WDR45B: variants seen among roughly 807,000 people sequenced by gnomAD.
WDR45B encodes the protein WD repeat domain 45B, also known as WD repeat domain phosphoinositide-interacting protein 3.
WDR45B carries 20 observed loss-of-function variants against 44.6 expected under a neutral mutation model. The observed-to-expected ratio is 0.45, with a 90% CI of 0.32 to 0.65. WDR45B has a LOEUF of 0.65. WDR45B is among the 30% of genes least tolerant of loss of function. WDR45B has a pLI of 0.05. For missense variants in WDR45B, 323 were observed against 430.2 expected, an observed-to-expected ratio of 0.75 and a Z score of 2.20; for synonymous variants, 169 against 164.9, an observed-to-expected ratio of 1.02 and a Z score of -0.19.
At chr17:82,635,270 A>G (rs1225866857) in intron 2 of WDR45B, among the ~76,000 whole-genome samples, 2 of 151,856 alleles carry the variant, frequency 1.3e-5, no homozygotes, top group Non-Finnish European at 2.9e-5. Context: ...AGTTTTAGAA[A>G]CACATCTGAG....
At chr17:82,646,547 GTACAAAAATAAA>G (rs2045981002) in intron 1 of WDR45B, among the ~76,000 whole-genome samples, 1 of 133,704 alleles carries the variant, frequency 7.5e-6, no homozygotes, top group Admixed American at 7.5e-5. Flanking sequence ...ACAAAAATAA[GTACAAAAATAAA>G]GTACAGAAGT....
At chr17:82,627,377 GTT>G in intron 3 of WDR45B, 86 bp from the exon 4 acceptor site, 1 of 1,158,384 alleles carries the variant, frequency 8.6e-7, no homozygotes, top group Admixed American at 1.7e-5. Context: ...CGCCTAAGGT[GTT>G]TTCTCTTCCC....
At chr17:82,643,047 C>T (rs767347898) in intron 2 of WDR45B, among the ~76,000 whole-genome samples, 43 of 152,204 alleles carry the variant, frequency 2.8e-4, no homozygotes, top group Admixed American at 7.2e-4. Context: ...ACCTAATGTG[C>T]GCGCAGGCAT....
chr17:82,644,722 T>C (rs1012020004), intron 1 of WDR45B: 3 of 153,044 alleles, frequency 2.0e-5, no homozygotes, highest in Non-Finnish European at 4.4e-5. Context: ...TTAAATGCCA[T>C]GTCCAACTGT....
intron 2 of WDR45B, among the ~76,000 whole-genome samples, chr17:82,631,277 ATTT>A (rs386386786): frequency 1.1e-3 from 95 of 86,838 alleles, no homozygotes; most frequent in African/African-American, 4.0e-3. Context: ...TACAGGACTC[ATTT>A]TTTTTTTTTT....
At chr17:82,631,340 G>C (rs1380499495) in intron 2 of WDR45B, among the ~76,000 whole-genome samples, 3 of 136,814 alleles carry the variant, frequency 2.2e-5, no homozygotes, top group African/African-American at 8.5e-5. Context: ...CTAGAGTGCA[G>C]TCGCGCGATC....
intron 3 of WDR45B, among the ~76,000 whole-genome samples, chr17:82,630,122 C>G (rs1487495404): frequency 6.6e-6 from 1 of 152,126 alleles, no homozygotes; most frequent in Non-Finnish European, 1.5e-5. Context: ...CTTTTCCTGC[C>G]TCTCCCCATA....
At chr17:82,640,336 T>C (rs2045897412) in intron 2 of WDR45B, among the ~76,000 whole-genome samples, 1 of 150,992 alleles carries the variant, frequency 6.6e-6, no homozygotes. Flanking sequence ...GGTGCTGCTC[T>C]TCACTGGGAT....
intron 9 of WDR45B, 73 bp downstream of exon 9, chr17:82,616,451 T>C: frequency 6.2e-7 from 1 of 1,609,962 alleles, no homozygotes; most frequent in Admixed American, 1.7e-5. Flanking sequence ...CCATGGGAAG[T>C]TAGGTCTGAC....
chr17:82,640,913 C>A (rs991644606), intron 2 of WDR45B, among the ~76,000 whole-genome samples: 3 of 151,632 alleles, frequency 2.0e-5, no homozygotes, highest in African/African-American at 7.3e-5. Context: ...ATGAGCTAAA[C>A]CATGACAATG....
At chr17:82,627,419 TCAGA>T in intron 3 of WDR45B, 128 bp from the exon 4 acceptor site, 1 of 786,820 alleles carries the variant, frequency 1.3e-6, no homozygotes, top group Non-Finnish European at 2.2e-6. Context: ...CCCTCAGGCC[TCAGA>T]CACACACCCG....
chr17:82,624,382 C>T (rs2045663371), intron 5 of WDR45B, among the ~76,000 whole-genome samples: 1 of 152,178 alleles, frequency 6.6e-6, no homozygotes, highest in Admixed American at 6.5e-5. Context: ...CTGCCTCAGC[C>T]TCCCAAGTAG....
intron 5 of WDR45B, among the ~76,000 whole-genome samples, chr17:82,622,355 C>G (rs8082615): frequency 0.29 from 44,025 of 152,080 alleles, 7,259 homozygotes; most frequent in African/African-American, 0.45. Context: ...CACAGCTAAC[C>G]TCTCAGAAAG....
At chr17:82,618,086 C>A (rs989893113) in intron 7 of WDR45B, among the ~76,000 whole-genome samples, 1 of 152,224 alleles carries the variant, frequency 6.6e-6, no homozygotes, top group African/African-American at 2.4e-5. Flanking sequence ...CACGCCACCA[C>A]GCCCAGCTAA....
Position 82,617,374 on chromosome 17 carries a change from G to A in WDR45B, c.728C>T (p.Ser243Phe), listed in dbSNP as rs2045551307. ...GTGGTCGCTGGATACGCAGATGAGG[G>A]ACGCATCCTGATTGAAGTTGATGCT... ...IYCINFNQDA[S>F]LICVSSDHGT... Residue 243 changes from serine (S) to phenylalanine (F), a missense_variant, in exon 8 of 10, where the codon TCC (serine) becomes TTC (phenylalanine). Ser to Phe is a radical substitution (Grantham distance 155). Transcript: ENST00000392325. 6.2e-7 allele frequency: 1 copy of A among 1,614,144 alleles called. No homozygotes were observed. The highest frequency in any genetic ancestry group is 8.5e-7 in the Non-Finnish European group (1 of 1,180,018).
Position 82,632,672 on chromosome 17 carries a change from C to G in WDR45B, c.143-1650G>C, listed in dbSNP as rs565498734. ...TGTCTGCAATGACCATGAGCTCTAT[C>G]TCTCCAGTCACAGCTGCACGAAATG... is the stretch of plus-strand genomic sequence containing the variant. On this transcript the variant is annotated intron_variant, in intron 2 of 9. Transcript: ENST00000392325. Among the ~76,000 whole-genome samples, 3 of 152,246 alleles carry G rather than the reference C, an allele frequency of 2.0e-5. No homozygotes were observed. The South Asian group carries it at 6.2e-4, about 32-fold the overall frequency.
At chr17:82,630,416 C>T (rs905639407) in intron 3 of WDR45B, among the ~76,000 whole-genome samples, 4 of 152,030 alleles carry the variant, frequency 2.6e-5, no homozygotes, top group African/African-American at 9.7e-5. Flanking sequence ...ACGAGGCACA[C>T]GGCTGTCAGG....
At chr17:82,628,567 C>T (rs1273394302) in intron 3 of WDR45B, among the ~76,000 whole-genome samples, 1 of 140,924 alleles carries the variant, frequency 7.1e-6, no homozygotes, top group Non-Finnish European at 1.6e-5. Flanking sequence ...GTGAGACTCC[C>T]ATTTCTGAAA....
intron 1 of WDR45B, chr17:82,644,397 G>T: frequency 2.9e-6 from 1 of 340,914 alleles, no homozygotes; most frequent in Non-Finnish European, 5.7e-6. Flanking sequence ...TGAAGGGAAG[G>T]GCAGGGTGCT....
Sources: allele counts gnomAD v4.1 joint callset (sites outside exome capture counted in the v4.1 genomes callset), GRCh38; gene constraint gnomAD v4.1.1; transcripts MANE v1.5; gene names NCBI Gene and HGNC (gene_info 2026-07-23, HGNC 2026-07-21).